Variants in CDK13 observed in about 807,000 individuals in gnomAD.
The protein encoded by CDK13 is cyclin-dependent kinase 13.
Under a neutral mutation model 137.6 loss-of-function variants are expected in CDK13, and 40 were observed. The ratio of observed to expected loss-of-function variants is 0.29; its 90% confidence interval spans 0.23 to 0.38. CDK13 has a LOEUF of 0.38. Ranked by LOEUF, CDK13 falls within the 10% of genes least tolerant of loss-of-function variation. The probability of loss-of-function intolerance (pLI) is 1.00; values close to 1 mark genes in which losing one functional copy is unlikely to be tolerated. For synonymous variants in CDK13, 869 were observed against 760.1 expected, an observed-to-expected ratio of 1.14 and a Z score of -2.36; for missense variants, 1,704 against 1,951.8, an observed-to-expected ratio of 0.87 and a Z score of 2.39.
chr7:39,992,105 G>GCACACA (rs764758989), intron 2 of CDK13, among the ~76,000 whole-genome samples: 1 of 133,362 alleles, frequency 7.5e-6, no homozygotes, highest in Non-Finnish European at 1.7e-5. Flanking sequence ...ACACACACAC[G>GCACACA]CACACACACA....
chr7:39,967,079 C>T (rs764728439), intron 1 of CDK13, among the ~76,000 whole-genome samples: 39 of 152,182 alleles, frequency 2.6e-4, no homozygotes, highest in African/African-American at 4.3e-4. Flanking sequence ...TTGAGGAGGC[C>T]GGCTGTCTGT....
chr7:40,000,889 C>T (rs949094296), intron 4 of CDK13, among the ~76,000 whole-genome samples: 4 of 151,964 alleles, frequency 2.6e-5, no homozygotes, highest in African/African-American at 7.3e-5. Context: ...TAATAGGCTT[C>T]GTGTATGTGT....
At chr7:39,958,735 A>AT (rs34380668) in intron 1 of CDK13, among the ~76,000 whole-genome samples, 1,936 of 151,172 alleles carry the variant, frequency 0.013, 29 homozygotes, top group African/African-American at 0.045. Context: ...TCTAAAGCAA[A>AT]TTTTTTTTTG....
intron 1 of CDK13, among the ~76,000 whole-genome samples, chr7:39,965,785 C>T (rs1783857898): frequency 6.6e-6 from 1 of 152,092 alleles, no homozygotes; most frequent in African/African-American, 2.4e-5. Context: ...TTAGTGCTTC[C>T]TTCAGGAGCT....
At chr7:39,971,841 C>T (rs949708917) in intron 1 of CDK13, among the ~76,000 whole-genome samples, 2 of 152,074 alleles carry the variant, frequency 1.3e-5, no homozygotes, top group African/African-American at 4.8e-5. Context: ...TGAGATTGCA[C>T]CACTGCCTGG....
chr7:40,010,099 CTTTATT>C (rs145637163), intron 5 of CDK13, among the ~76,000 whole-genome samples: 4,618 of 152,140 alleles, frequency 0.03, 224 homozygotes, highest in African/African-American at 0.1. Flanking sequence ...TTATCGTGTA[CTTTATT>C]TTTATTATTA....
At chr7:40,040,478 C>G (rs1053727004) in intron 5 of CDK13, among the ~76,000 whole-genome samples, 12 of 152,154 alleles carry the variant, frequency 7.9e-5, no homozygotes, top group African/African-American at 2.9e-4. Context: ...CTTTCTCTTT[C>G]AGGTGTTACT....
At chr7:39,976,165 G>T (rs1784099760) in intron 1 of CDK13, among the ~76,000 whole-genome samples, 1 of 151,874 alleles carries the variant, frequency 6.6e-6, no homozygotes, top group South Asian at 2.1e-4. Flanking sequence ...GTAGTGGTGG[G>T]TGCCGTAATC....
At chr7:40,061,430 T>C (rs1052426197) in intron 7 of CDK13, 1 of 152,116 alleles carries the variant, frequency 6.6e-6, no homozygotes. Flanking sequence ...TTTGGAGAAA[T>C]TTGGCTGGAT....
chr7:40,041,316 ACT>A (rs1231695740), intron 5 of CDK13, among the ~76,000 whole-genome samples: 1 of 152,106 alleles, frequency 6.6e-6, no homozygotes, highest in African/African-American at 2.4e-5. Flanking sequence ...ACAGAGTGAG[ACT>A]CTGTCTCAAA....
intron 7 of CDK13, among the ~76,000 whole-genome samples, chr7:40,057,984 T>C (rs1318862328): frequency 1.3e-5 from 2 of 152,206 alleles, no homozygotes; most frequent in African/African-American, 4.8e-5. Context: ...GAATTTAAAA[T>C]AGCTGAGTGC....
At chr7:40,082,360 G>A (rs1287386639) in intron 11 of CDK13, among the ~76,000 whole-genome samples, 1 of 151,876 alleles carries the variant, frequency 6.6e-6, no homozygotes, top group African/African-American at 2.4e-5. Context: ...GGTGGCGGGT[G>A]CCTGTAATCC....
chr7:39,996,972 A>AGG (rs1784574880), intron 2 of CDK13, among the ~76,000 whole-genome samples: 1 of 147,994 alleles, frequency 6.8e-6, no homozygotes. Context: ...AAAAAAAAAA[A>AGG]AAAAGAAAAA....
chr7:39,982,975 A>G (rs1446617395), intron 1 of CDK13, among the ~76,000 whole-genome samples: 1 of 151,656 alleles, frequency 6.6e-6, no homozygotes, highest in Non-Finnish European at 1.5e-5. Context: ...TTGCCTGTTC[A>G]CTCTGATGGT....
At chr7:40,042,670 G>A (rs1434500933) in intron 5 of CDK13, among the ~76,000 whole-genome samples, 8 of 149,140 alleles carry the variant, frequency 5.4e-5, no homozygotes, top group Non-Finnish European at 8.9e-5. Flanking sequence ...GCAGAGACGG[G>A]GTTTTACCAT....
At chr7:40,021,562 T>C (rs1435499008) in intron 5 of CDK13, among the ~76,000 whole-genome samples, 4 of 152,214 alleles carry the variant, frequency 2.6e-5, no homozygotes, top group Non-Finnish European at 4.4e-5. Flanking sequence ...CAAAAAATTT[T>C]TGAAAATATC....
chr7:40,000,945 T>G (rs1784670639), intron 4 of CDK13, among the ~76,000 whole-genome samples: 1 of 152,200 alleles, frequency 6.6e-6, no homozygotes. Flanking sequence ...CAAAGCTGAC[T>G]CATACTTAAA....
intron 11 of CDK13, among the ~76,000 whole-genome samples, chr7:40,084,972 T>TATC (rs1191247659): frequency 6.6e-6 from 1 of 152,226 alleles, no homozygotes; most frequent in Non-Finnish European, 1.5e-5. Flanking sequence ...CATCTGAAAG[T>TATC]ATCAGCATCA....
intron 5 of CDK13, among the ~76,000 whole-genome samples, chr7:40,031,511 G>T (rs1324456830): frequency 6.6e-6 from 1 of 152,068 alleles, no homozygotes; most frequent in East Asian, 1.9e-4. Context: ...AACAGAGTGA[G>T]ACTCTGTCTC....
Sources: allele counts gnomAD v4.1 joint callset (sites outside exome capture counted in the v4.1 genomes callset), GRCh38; gene constraint gnomAD v4.1.1; transcripts MANE v1.5; gene names NCBI Gene and HGNC (gene_info 2026-07-23, HGNC 2026-07-21).